Variants in RILPL1 observed in about 807,000 individuals in gnomAD.
The protein encoded by RILPL1 is Rab interacting lysosomal protein like 1.
RILPL1 carries 33 observed loss-of-function variants against 50.3 expected under a neutral mutation model. That is an observed-to-expected ratio of 0.66 (90% CI 0.50 to 0.88). The LOEUF is 0.88. Among genes scored for constraint, RILPL1 ranks in the 40% least tolerant of loss-of-function variants. RILPL1 has a pLI of 0.00. For synonymous variants in RILPL1, 205 were observed against 228.6 expected (o/e 0.90, Z 0.93); for missense variants, 418 against 542.5 (o/e 0.77, Z 2.28).
intron 2 of RILPL1, chr12:123,518,391 C>A (rs1348285285): frequency 5.0e-6 from 2 of 400,126 alleles, no homozygotes; most frequent in South Asian, 1.8e-5. Context: ...CCTGTCATCC[C>A]AGCTACTTAG....
In RILPL1 at chr12:123,491,724, G is replaced by T. The variant is rs1003496810; in HGVS notation, c.802-5919C>A. ...ACAAAACCTGCTACGAAATCAAAACGTGTGGCTGGGCGCGGTGGCTCACAC... is the reference window on the plus strand; with the variant it reads ...ACAAAACCTGCTACGAAATCAAAACTTGTGGCTGGGCGCGGTGGCTCACAC... On this transcript the variant is annotated intron_variant, in intron 4 of 6. Coordinates refer to ENST00000376874, the MANE Select transcript of RILPL1 (RefSeq NM_178314.5). The surrounding 1 kb of genome is among the most constrained non-coding windows in gnomAD (Gnocchi z 4.0). Among the ~76,000 whole-genome samples, 1 of 152,110 alleles carries T rather than the reference G, an allele frequency of 6.6e-6. No homozygotes were observed. The highest frequency in any genetic ancestry group is 1.5e-5 in the Non-Finnish European group (1 of 68,032).
At chr12:123,501,092 C>T (rs779519505) in intron 2 of RILPL1, among the ~76,000 whole-genome samples, 4 of 151,328 alleles carry the variant, frequency 2.6e-5, no homozygotes, top group Non-Finnish European at 5.9e-5. Context: ...TGGGTGACAA[C>T]AGCAAGACTC....
chr12:123,513,503 G>C (rs903740613), intron 2 of RILPL1: 18 of 218,046 alleles, frequency 8.3e-5, no homozygotes, highest in African/African-American at 4.2e-4. Flanking sequence ...ATGAGACCGA[G>C]GCAGAAGCCT....
At chr12:123,488,230 G>T (rs1390927978) in intron 4 of RILPL1, among the ~76,000 whole-genome samples, 1 of 152,072 alleles carries the variant, frequency 6.6e-6, no homozygotes, top group East Asian at 1.9e-4. Context: ...CTAGAACCCA[G>T]GAGATTCAGA....
At chr12:123,476,898 C>T (rs1449322462) in intron 6 of RILPL1, among the ~76,000 whole-genome samples, 2 of 152,092 alleles carry the variant, frequency 1.3e-5, no homozygotes, top group African/African-American at 2.4e-5. Context: ...GTGTGGGGAA[C>T]GAAGAAGGCA....
chr12:123,478,747 C>T (rs986055409), intron 6 of RILPL1, among the ~76,000 whole-genome samples: 4 of 152,144 alleles, frequency 2.6e-5, no homozygotes, highest in Non-Finnish European at 1.5e-5. Flanking sequence ...ATCTCCTGAT[C>T]AGCCCCTAGC....
At chr12:123,474,825 G>T (rs926649104) in intron 6 of RILPL1, 4 of 152,208 alleles carry the variant, frequency 2.6e-5, no homozygotes, top group African/African-American at 9.7e-5. Context: ...TCTGTTTGCT[G>T]GTTGCTAGTG....
intron 2 of RILPL1, among the ~76,000 whole-genome samples, chr12:123,504,393 C>T (rs1004105324): frequency 2.6e-5 from 4 of 152,162 alleles, no homozygotes; most frequent in Non-Finnish European, 5.9e-5. Context: ...GTGGTCACCA[C>T]CATGAACAAG....
In RILPL1 at chr12:123,491,866, G is replaced by T. The variant is rs1882709990; in HGVS notation, c.802-6061C>A. On this transcript the variant is annotated intron_variant, in intron 4 of 6. Coordinates refer to ENST00000376874, the MANE Select transcript of RILPL1 (RefSeq NM_178314.5). This position sits in a 1 kb window ranked among gnomAD's most constrained non-coding sequence, Gnocchi z 4.0. ...CTAAAAATACACAAAAATGAGCTGG[G>T]TGTGGTGGCGCACACCTGTAATCCC... Among the ~76,000 whole-genome samples the T allele has an allele frequency of 6.6e-6, 1 of 151,894 alleles. No individual in the cohort carries two copies. The highest frequency in any genetic ancestry group is 1.5e-5 in the Non-Finnish European group (1 of 67,988).
intron 6 of RILPL1, chr12:123,475,897 ATTTT>A (rs375190049): frequency 4.4e-3 from 1,723 of 390,482 alleles, no homozygotes; most frequent in Middle Eastern, 9.6e-3. Flanking sequence ...TTCACTTAAA[ATTTT>A]TTTTTTTTTT....
chr12:123,529,430 C>T (rs1164931949), intron 1 of RILPL1, among the ~76,000 whole-genome samples: 2 of 152,242 alleles, frequency 1.3e-5, no homozygotes, highest in Admixed American at 1.3e-4. Context: ...GCGTGCGCCA[C>T]CACACCCAGC....
chr12:123,506,490 A>C (rs916156532), intron 2 of RILPL1, among the ~76,000 whole-genome samples: 7 of 152,116 alleles, frequency 4.6e-5, no homozygotes, highest in Admixed American at 4.6e-4. Flanking sequence ...AGACTTCCAG[A>C]CTTCCAGCAG....
At chr12:123,484,853 TC>T in intron 5 of RILPL1, 2 of 237,278 alleles carry the variant, frequency 8.4e-6, no homozygotes, top group South Asian at 5.4e-5. Context: ...GAGATGGGGG[TC>T]CCACTATGTT....
Position 123,533,508 on chromosome 12 carries a change from C to A in RILPL1, c.-26G>T. ...GGCCACCCTCCTGGCCTGTCCCCCGCCCCGCAAACTCGTGCAACTCCCAAA... is the reference window on the plus strand; with the variant it reads ...GGCCACCCTCCTGGCCTGTCCCCCGACCCGCAAACTCGTGCAACTCCCAAA... On this transcript the variant is annotated 5_prime_UTR_variant, in exon 1 of 7. Transcript: ENST00000376874. This position sits in a 1 kb window ranked among gnomAD's most constrained non-coding sequence, Gnocchi z 6.2. The A allele has an allele frequency of 6.8e-7, 1 of 1,479,236 alleles. No individual in the cohort carries two copies. The highest frequency in any genetic ancestry group is 2.6e-5 in the East Asian group (1 of 38,560). 91.6% of individuals were successfully genotyped at this position (1,479,236 alleles called of 1,614,324 possible).
intron 4 of RILPL1, among the ~76,000 whole-genome samples, chr12:123,496,740 A>G (rs1883057526): frequency 6.6e-6 from 1 of 152,232 alleles, no homozygotes; most frequent in Non-Finnish European, 1.5e-5. Context: ...TTCCTGGCAC[A>G]GTCTGGGGGC....
At chr12:123,500,278 CTTTTTTTTTTTT>C (rs61119415) in intron 2 of RILPL1, among the ~76,000 whole-genome samples, 1 of 88,266 alleles carries the variant, frequency 1.1e-5, no homozygotes, top group Non-Finnish European at 2.2e-5. Context: ...GTGTCCCTTT[CTTTTTTTTTTTT>C]TTTTTTTTTT....
chr12:123,488,549 G>C (rs1882494709), intron 4 of RILPL1, among the ~76,000 whole-genome samples: 1 of 152,234 alleles, frequency 6.6e-6, no homozygotes, highest in Non-Finnish European at 1.5e-5. Flanking sequence ...GAGGCTGAGG[G>C]ATTCCAGAAG....
chr12:123,520,240 G>A (rs1023015595), intron 2 of RILPL1, among the ~76,000 whole-genome samples: 2 of 152,312 alleles, frequency 1.3e-5, no homozygotes, highest in Admixed American at 6.5e-5. Flanking sequence ...GCCATAGAAC[G>A]GAATATGATT....
At chr12:123,517,683 A>C (rs957278924) in intron 2 of RILPL1, among the ~76,000 whole-genome samples, 4 of 152,080 alleles carry the variant, frequency 2.6e-5, no homozygotes, top group African/African-American at 9.7e-5. Context: ...CAGCCTCCCA[A>C]AGTGCTGGGA....
Sources: allele counts gnomAD v4.1 joint callset (sites outside exome capture counted in the v4.1 genomes callset), GRCh38; gene constraint gnomAD v4.1.1; non-coding constraint Gnocchi (gnomAD v3.1); transcripts MANE v1.5; gene names NCBI Gene and HGNC (gene_info 2026-07-23, HGNC 2026-07-21).